Variants in GRM8 observed in about 807,000 individuals in gnomAD.
The protein encoded by GRM8 is metabotropic glutamate receptor 8.
Under a neutral mutation model 87.2 loss-of-function variants are expected in GRM8, and 47 were observed. That is an observed-to-expected ratio of 0.54 (90% CI 0.43 to 0.69). GRM8 has a LOEUF of 0.69. GRM8 is among the 30% of genes least tolerant of loss of function. GRM8 has a pLI of 0.00. For missense variants in GRM8, 1,019 were observed against 1,139.2 expected, an observed-to-expected ratio of 0.89 and a Z score of 1.52; for synonymous variants, 396 against 404.5, an observed-to-expected ratio of 0.98 and a Z score of 0.25.
intron 9 of GRM8, among the ~76,000 whole-genome samples, chr7:126,472,845 A>G (rs1368403904): frequency 1.3e-5 from 2 of 152,158 alleles, no homozygotes; most frequent in South Asian, 2.1e-4. Flanking sequence ...AGCCATGGCT[A>G]ATAGGGTCCA....
intron 8 of GRM8, among the ~76,000 whole-genome samples, chr7:126,602,818 T>TG (rs1187940333): frequency 6.7e-6 from 1 of 148,458 alleles, no homozygotes; most frequent in Non-Finnish European, 1.5e-5. Flanking sequence ...AAGGAGGAAC[T>TG]GGTACCATTC....
chr7:126,558,715 CTTT>C (rs1193215499), intron 8 of GRM8, among the ~76,000 whole-genome samples: 1 of 151,874 alleles, frequency 6.6e-6, no homozygotes, highest in Non-Finnish European at 1.5e-5. Flanking sequence ...ACAACCATTC[CTTT>C]TTTTTCTGAA....
chr7:126,723,773 C>A (rs916259877), intron 7 of GRM8, among the ~76,000 whole-genome samples: 1 of 152,126 alleles, frequency 6.6e-6, no homozygotes, highest in African/African-American at 2.4e-5. Context: ...ATCATCTAAG[C>A]AAACTCTATG....
intron 3 of GRM8, among the ~76,000 whole-genome samples, chr7:126,999,289 A>G (rs898529183): frequency 5.3e-5 from 8 of 151,916 alleles, no homozygotes; most frequent in Admixed American, 2.6e-4. Flanking sequence ...TGAAATTACT[A>G]TAAGAAAACA....
intron 3 of GRM8, chr7:127,105,189 T>G (rs1411125966): frequency 6.6e-6 from 1 of 152,204 alleles, no homozygotes; most frequent in Non-Finnish European, 1.5e-5. Context: ...AAGAAGATAA[T>G]ATAATTTGTC....
intron 2 of GRM8, among the ~76,000 whole-genome samples, chr7:127,179,905 G>A (rs1388795631): frequency 2.6e-5 from 4 of 151,852 alleles, no homozygotes; most frequent in African/African-American, 9.7e-5. Context: ...GATTGAAAGA[G>A]CACAAACTGA....
intron 3 of GRM8, among the ~76,000 whole-genome samples, chr7:126,988,998 T>C (rs1413834446): frequency 6.6e-6 from 1 of 152,194 alleles, no homozygotes; most frequent in African/African-American, 2.4e-5. Context: ...GCACAGACTA[T>C]GCATTAATAT....
intron 9 of GRM8, among the ~76,000 whole-genome samples, chr7:126,498,710 G>T (rs1809161687): frequency 1.3e-5 from 2 of 151,974 alleles, no homozygotes; most frequent in South Asian, 4.1e-4. Flanking sequence ...CCTTACTTCT[G>T]CCCTGTGCTT....
At chr7:126,894,690 C>T (rs1034516759) in intron 6 of GRM8, among the ~76,000 whole-genome samples, 1 of 151,990 alleles carries the variant, frequency 6.6e-6, no homozygotes, top group African/African-American at 2.4e-5. Context: ...AACATACTGG[C>T]CCATATACCA....
intron 3 of GRM8, among the ~76,000 whole-genome samples, chr7:127,064,521 T>G (rs1010274582): frequency 6.6e-6 from 1 of 152,196 alleles, no homozygotes; most frequent in African/African-American, 2.4e-5. Flanking sequence ...TCATTACACA[T>G]GAGATGAGTT....
chr7:127,144,586 T>G (rs1828451526), intron 2 of GRM8, among the ~76,000 whole-genome samples: 1 of 152,172 alleles, frequency 6.6e-6, no homozygotes, highest in Non-Finnish European at 1.5e-5. Context: ...CAAACCAATT[T>G]TTCAGCATAG....
chr7:127,026,928 G>C (rs1586789865), intron 3 of GRM8, among the ~76,000 whole-genome samples: 1 of 152,100 alleles, frequency 6.6e-6, no homozygotes, highest in Non-Finnish European at 1.5e-5. Flanking sequence ...GTCCTGAATG[G>C]TATTGTCTAG....
In GRM8 at chr7:126,685,796, C is replaced by A. The variant is rs1808119432; in HGVS notation, c.1358-76298G>T. ...GGGTGCGATGAATGGTGACAGGCGG[C>A]AGACAGGCTCCTGGGCAGAAGGGGG... On this transcript the variant is annotated intron_variant, in intron 7 of 10. Coordinates refer to ENST00000339582, the MANE Select transcript of GRM8 (RefSeq NM_000845.3). The surrounding 1 kb of genome is among the most constrained non-coding windows in gnomAD (Gnocchi z 4.2). Among the ~76,000 whole-genome samples the A allele has an allele frequency of 6.6e-6, 1 of 152,016 alleles. No individual in the cohort carries two copies. Among genetic ancestry groups the A allele is most frequent in the Non-Finnish European group, 1.5e-5 (1 of 67,962 alleles).
At chr7:126,539,682 A>T (rs920687333) in intron 8 of GRM8, among the ~76,000 whole-genome samples, 1 of 152,046 alleles carries the variant, frequency 6.6e-6, no homozygotes, top group Non-Finnish European at 1.5e-5. Context: ...TTTTGACAAG[A>T]TACAAAGAAA....
chr7:126,570,932 A>G (rs1428057984), intron 8 of GRM8, among the ~76,000 whole-genome samples: 1 of 152,214 alleles, frequency 6.6e-6, no homozygotes, highest in African/African-American at 2.4e-5. Context: ...ATATTCAAAT[A>G]CCATTTCTGT....
chr7:126,866,580 A>AT (rs59013947), intron 6 of GRM8, among the ~76,000 whole-genome samples: 1,255 of 68,040 alleles, frequency 0.018, 206 homozygotes, highest in East Asian at 0.055. Context: ...CTTTGACTCA[A>AT]TTTTTTTTTT....
intron 10 of GRM8, among the ~76,000 whole-genome samples, chr7:126,441,940 C>T (rs903667547): frequency 6.6e-6 from 1 of 151,930 alleles, no homozygotes; most frequent in Non-Finnish European, 1.5e-5. Context: ...TATTGTGGCA[C>T]CCTGCAAAGG....
chr7:126,681,600 C>A (rs1474244303), intron 7 of GRM8, among the ~76,000 whole-genome samples: 2 of 152,210 alleles, frequency 1.3e-5, no homozygotes, highest in African/African-American at 4.8e-5. Flanking sequence ...TGAGGGTTCT[C>A]CTTCAGACTG....
chr7:126,731,799 TTCC>T (rs1415256068), intron 7 of GRM8, among the ~76,000 whole-genome samples: 2 of 152,062 alleles, frequency 1.3e-5, no homozygotes, highest in Non-Finnish European at 1.5e-5. Context: ...ATTTTATTAT[TTCC>T]TCATTTTCTA....
Sources: gnomAD v4.1 joint callset for allele counts (sites outside exome capture counted in the v4.1 genomes callset) on GRCh38, gnomAD v4.1.1 for gene constraint, Gnocchi (gnomAD v3.1) non-coding constraint, MANE v1.5 for transcripts, NCBI Gene and HGNC (gene_info 2026-07-23, HGNC 2026-07-21) for gene names.